GMDS: variants seen among roughly 807,000 people sequenced by gnomAD.
GMDS encodes GDP-mannose 4,6-dehydratase.
A neutral mutation model predicts 49.9 loss-of-function variants in GMDS; 20 were observed. The observed-to-expected ratio is 0.40, with a 90% CI of 0.28 to 0.58. The LOEUF is 0.58. Among genes scored for constraint, GMDS ranks in the 20% least tolerant of loss-of-function variants. GMDS has a pLI of 0.42. For synonymous variants in GMDS, 177 were observed against 178.6 expected, an observed-to-expected ratio of 0.99 and a Z score of 0.07; for missense variants, 362 against 481.4, an observed-to-expected ratio of 0.75 and a Z score of 2.32.
chr6:2,106,030 T>C (rs1248483928), intron 4 of GMDS, among the ~76,000 whole-genome samples: 2 of 152,190 alleles, frequency 1.3e-5, no homozygotes, highest in Non-Finnish European at 1.5e-5. Flanking sequence ...TGATGTGCGG[T>C]TTCTTATAAA....
chr6:2,116,024 A>G (rs1562069347), intron 3 of GMDS, 144 bp from the exon 4 acceptor site: 3 of 582,264 alleles, frequency 5.2e-6, no homozygotes, highest in South Asian at 4.5e-5. Context: ...CTGGAGTAGC[A>G]GAATATAACT....
intron 4 of GMDS, among the ~76,000 whole-genome samples, chr6:2,049,354 T>A (rs1340230426): frequency 6.6e-6 from 1 of 152,242 alleles, no homozygotes; most frequent in Non-Finnish European, 1.5e-5. Context: ...GGGTATGTCC[T>A]CCATTCCAAT....
intron 7 of GMDS, among the ~76,000 whole-genome samples, chr6:1,912,120 C>A (rs1761094894): frequency 6.6e-6 from 1 of 152,186 alleles, no homozygotes; most frequent in South Asian, 2.1e-4. Context: ...AATCCCAGCA[C>A]TTTGGGAGGC....
intron 9 of GMDS, among the ~76,000 whole-genome samples, chr6:1,655,497 ACACACACACACACACACACACATAT>A (rs1763848019): frequency 3.1e-4 from 3 of 9,800 alleles, no homozygotes; most frequent in Non-Finnish European, 7.6e-4. Flanking sequence ...ACACACACAT[ACACACACACACACACACACACATAT>A]TTTTTTTTTT....
chr6:1,814,321 T>C (rs1251278718), intron 7 of GMDS, among the ~76,000 whole-genome samples: 1 of 152,220 alleles, frequency 6.6e-6, no homozygotes, highest in Non-Finnish European at 1.5e-5. Context: ...AACAGCTTTT[T>C]GTTTTCTTTC....
At position 1,813,517 on chromosome 6, in the gene GMDS, T is replaced by A. The variant is rs112673694; in HGVS notation, c.772-70931A>T. The stretch of plus-strand genomic sequence containing the variant: ...TATCATTTGAAAACTTTACATGATG[T>A]CCCAGGAGACAGAAAGAATCATAAA... On this transcript the variant is annotated intron_variant, in intron 7 of 10. Coordinates refer to ENST00000380815, the MANE Select transcript of GMDS (RefSeq NM_001500.4). 5.1e-3 allele frequency among the ~76,000 whole-genome samples: 769 copies of A among 152,270 alleles called. 5 individuals are homozygous for A. The highest frequency in any genetic ancestry group is 0.034 in the Middle Eastern group (10 of 294).
At chr6:1,845,039 T>C (rs1757326436) in intron 7 of GMDS, among the ~76,000 whole-genome samples, 1 of 152,208 alleles carries the variant, frequency 6.6e-6, no homozygotes. Flanking sequence ...CATGTACTCT[T>C]AATATTTTTC....
intron 9 of GMDS, among the ~76,000 whole-genome samples, chr6:1,694,320 CAA>C (rs1377178784): frequency 5.3e-4 from 80 of 152,262 alleles, no homozygotes; most frequent in Non-Finnish European, 8.8e-5. Context: ...AAAAAAGAAA[CAA>C]TATGCATATT....
chr6:2,096,836 T>C (rs1773629524), intron 4 of GMDS, among the ~76,000 whole-genome samples: 1 of 152,140 alleles, frequency 6.6e-6, no homozygotes, highest in Non-Finnish European at 1.5e-5. Flanking sequence ...AATGAACACA[T>C]GACTTTATAT....
intron 9 of GMDS, among the ~76,000 whole-genome samples, chr6:1,697,225 C>A (rs746878480): frequency 6.6e-5 from 10 of 152,310 alleles, no homozygotes; most frequent in Non-Finnish European, 1.3e-4. Flanking sequence ...CGGCAGGTGT[C>A]CCCCAAACTC....
At chr6:1,822,291 TA>T (rs1315672192) in intron 7 of GMDS, among the ~76,000 whole-genome samples, 1 of 152,232 alleles carries the variant, frequency 6.6e-6, no homozygotes, top group East Asian at 1.9e-4. Flanking sequence ...AGCTATATTT[TA>T]AAGTGTGTGA....
intron 1 of GMDS, among the ~76,000 whole-genome samples, chr6:2,198,699 A>T (rs1235584329): frequency 1.3e-5 from 2 of 152,220 alleles, no homozygotes; most frequent in African/African-American, 4.8e-5. Flanking sequence ...GAAACTGGAA[A>T]ATATTAGAAC....
chr6:1,667,334 C>T (rs1361954636), intron 9 of GMDS, among the ~76,000 whole-genome samples: 1 of 152,332 alleles, frequency 6.6e-6, no homozygotes, highest in East Asian at 1.9e-4. Flanking sequence ...CAGATGTTAT[C>T]ATTACAGACT....
Position 2,104,954 on chromosome 6 carries a change from G to A in GMDS, c.345+10817C>T, listed in dbSNP as rs7746660. Among the ~76,000 whole-genome samples, 169 of 151,980 alleles carry A rather than the reference G, an allele frequency of 1.1e-3. 1 individual carries two copies. Among genetic ancestry groups the A allele is most frequent in the African/African-American group, 3.7e-3 (155 of 41,468 alleles). The stretch of plus-strand genomic sequence containing the variant: ...TCCCAGCACTTTGGGAGGCTGAGGC[G>A]GGCAGATCACAAAGTCAGGAGATCG... On this transcript the variant is annotated intron_variant, in intron 4 of 10. Coordinates refer to ENST00000380815, the MANE Select transcript of GMDS (RefSeq NM_001500.4).
At chr6:1,723,523 G>T (rs986184630) in intron 9 of GMDS, among the ~76,000 whole-genome samples, 1 of 150,886 alleles carries the variant, frequency 6.6e-6, no homozygotes, top group East Asian at 1.9e-4. Flanking sequence ...TAGAGACGGG[G>T]TTTCACTGTG....
intron 9 of GMDS, among the ~76,000 whole-genome samples, chr6:1,669,510 T>C (rs141283235): frequency 1.3e-5 from 2 of 152,326 alleles, no homozygotes; most frequent in South Asian, 2.1e-4. Flanking sequence ...TAGAAACACA[T>C]ATTGCATGTT....
intron 9 of GMDS, among the ~76,000 whole-genome samples, chr6:1,723,132 C>T (rs1322443828): frequency 1.3e-5 from 2 of 152,144 alleles, no homozygotes; most frequent in African/African-American, 4.8e-5. Flanking sequence ...GGTGGAACTA[C>T]GCCCTCTATG....
At chr6:1,896,561 G>T (rs1045756364) in intron 7 of GMDS, among the ~76,000 whole-genome samples, 1 of 152,144 alleles carries the variant, frequency 6.6e-6, no homozygotes, top group African/African-American at 2.4e-5. Flanking sequence ...GGGGAAGGGG[G>T]CTCGGTGCTG....
intron 4 of GMDS, among the ~76,000 whole-genome samples, chr6:2,011,972 T>C (rs371200725): frequency 2.0e-4 from 31 of 152,266 alleles, no homozygotes; most frequent in Admixed American, 7.8e-4. Flanking sequence ...GCAATGTGTA[T>C]GAAACAAGAG....
Sources: allele counts gnomAD v4.1 joint callset (sites outside exome capture counted in the v4.1 genomes callset), GRCh38; gene constraint gnomAD v4.1.1; transcripts MANE v1.5; gene names NCBI Gene and HGNC (gene_info 2026-07-23, HGNC 2026-07-21).